SYTL3: variants seen among roughly 807,000 people sequenced by gnomAD.
SYTL3 encodes synaptotagmin-like protein 3.
Under a neutral mutation model 82.1 loss-of-function variants are expected in SYTL3, and 88 were observed. The observed-to-expected ratio is 1.07, with a 90% CI of 0.90 to 1.28. The LOEUF is 1.28. Among genes scored for constraint, SYTL3 ranks in the 50% most tolerant of loss-of-function variants. SYTL3 has a pLI of 0.00. For missense variants in SYTL3, 831 were observed against 757.6 expected (o/e 1.10, Z -1.14); for synonymous variants, 311 against 289.4 (o/e 1.07, Z -0.76).
intron 6 of SYTL3, among the ~76,000 whole-genome samples, chr6:158,685,218 T>TC (rs1368798182): frequency 0.019 from 1,853 of 100,134 alleles, 22 homozygotes; most frequent in African/African-American, 0.088. Flanking sequence ...CTCTCTCTCT[T>TC]TTTTTTTTTT....
In SYTL3 at chr6:158,726,317, CT is replaced by C. The variant is rs954404844; in HGVS notation, c.855+686del. On this transcript the variant is annotated intron_variant, in intron 11 of 17. Transcript: ENST00000611299. The stretch of plus-strand genomic sequence containing the variant: ...TGACACAGGCGTCTTCAGGTTTCTT[CT>C]TTTTTAAGAACTTCAAGATGTCCCC... 146 of 384,360 alleles carry C rather than the reference CT, an allele frequency of 3.8e-4. 1 individual carries two copies. Among genetic ancestry groups the C allele is most frequent in the African/African-American group, 3.1e-3 (145 of 46,606 alleles). 23.8% of individuals were successfully genotyped at this position (384,360 alleles called of 1,614,324 possible).
intron 11 of SYTL3, among the ~76,000 whole-genome samples, chr6:158,733,721 G>A (rs889851916): frequency 6.6e-6 from 1 of 152,090 alleles, no homozygotes; most frequent in Non-Finnish European, 1.5e-5. Flanking sequence ...ACAAGACACT[G>A]TAGCAAGGCC....
intron 4 of SYTL3, chr6:158,663,750 C>A: frequency 3.0e-6 from 1 of 335,170 alleles, no homozygotes; most frequent in Non-Finnish European, 4.2e-6. Context: ...GGTTTTCCTA[C>A]CTCATTTTTG....
intron 6 of SYTL3, among the ~76,000 whole-genome samples, chr6:158,704,685 A>T (rs922390721): frequency 1.3e-5 from 2 of 152,250 alleles, no homozygotes; most frequent in South Asian, 2.1e-4. Flanking sequence ...GTGGGCCTGG[A>T]CTTCAGACCA....
chr6:158,672,598 T>C (rs1348389246), intron 5 of SYTL3, among the ~76,000 whole-genome samples: 1 of 151,658 alleles, frequency 6.6e-6, no homozygotes, highest in East Asian at 1.9e-4. Flanking sequence ...TATTCTCTTT[T>C]AAAACTTTTT....
At chr6:158,658,662 C>T (rs1041834842) in intron 2 of SYTL3, among the ~76,000 whole-genome samples, 5 of 152,104 alleles carry the variant, frequency 3.3e-5, no homozygotes, top group Non-Finnish European at 7.3e-5. Flanking sequence ...CGGTAGCTCA[C>T]GCCTATAATC....
intron 5 of SYTL3, among the ~76,000 whole-genome samples, chr6:158,677,775 A>G (rs980517513): frequency 3.9e-5 from 6 of 151,958 alleles, no homozygotes; most frequent in Non-Finnish European, 8.8e-5. Flanking sequence ...GTATGCTTGC[A>G]TAGGACTAAT....
chr6:158,761,687 G>A (rs1789995032), intron 15 of SYTL3, among the ~76,000 whole-genome samples: 1 of 152,104 alleles, frequency 6.6e-6, no homozygotes, highest in Non-Finnish European at 1.5e-5. Flanking sequence ...AAGTTCACGG[G>A]GTCACCAGCA....
chr6:158,647,833 G>A (rs1234252572), upstream of SYTL3, among the ~76,000 whole-genome samples: 1 of 152,250 alleles, frequency 6.6e-6, no homozygotes, highest in Non-Finnish European at 1.5e-5. Flanking sequence ...TCAATTTGGA[G>A]GTTAGTGATA....
chr6:158,750,095 CAT>C (rs1279033344), intron 12 of SYTL3, among the ~76,000 whole-genome samples: 1 of 151,986 alleles, frequency 6.6e-6, no homozygotes, highest in Non-Finnish European at 1.5e-5. Context: ...GTTACAGCAA[CAT>C]AGATGAATCC....
chr6:158,696,014 T>C (rs530003002), intron 6 of SYTL3, among the ~76,000 whole-genome samples: 1 of 152,336 alleles, frequency 6.6e-6, no homozygotes, highest in South Asian at 2.1e-4. Context: ...TTATTAGAGT[T>C]CCTGCTTTAA....
Position 158,763,522 on chromosome 6 carries a change from C to T in SYTL3, c.1723+13C>T. On this transcript the variant is annotated intron_variant, in intron 17 of 17. Coordinates refer to ENST00000611299, the MANE Select transcript of SYTL3 (RefSeq NM_001242394.2). The stretch of plus-strand genomic sequence containing the variant: ...AGACTTGGTTCAAGTAAGTCTGAGA[C>T]ATTGAGCCCAAACGTTTATACTTTG... The T allele has an allele frequency of 1.2e-6, 2 of 1,608,716 alleles. No individual in the cohort carries two copies. Among genetic ancestry groups the T allele is most frequent in the Non-Finnish European group, 1.7e-6 (2 of 1,175,166 alleles).
At chr6:158,683,079 T>A in intron 6 of SYTL3, 90 bp downstream of exon 6, 1 of 941,474 alleles carries the variant, frequency 1.1e-6, no homozygotes, top group Non-Finnish European at 1.7e-6. Context: ...ATAAGCAACA[T>A]GATGGGTGTA....
intron 13 of SYTL3, among the ~76,000 whole-genome samples, chr6:158,756,977 A>G (rs1010431695): frequency 1.0e-3 from 154 of 150,132 alleles, no homozygotes; most frequent in African/African-American, 3.5e-3. Flanking sequence ...GAGTAGGGGG[A>G]GGGGTTCTTG....
chr6:158,713,682 C>A (rs1783021193), intron 8 of SYTL3, 118 bp from the exon 9 acceptor site: 2 of 740,914 alleles, frequency 2.7e-6, no homozygotes, highest in Admixed American at 2.0e-5. Context: ...GCACCACGCC[C>A]ACACTCACTC....
intron 6 of SYTL3, among the ~76,000 whole-genome samples, chr6:158,701,554 G>T (rs1344684855): frequency 1.5e-5 from 2 of 134,458 alleles, no homozygotes; most frequent in Admixed American, 7.3e-5. Flanking sequence ...TTCTGGGGGG[G>T]AGGAGGCGTG....
intron 5 of SYTL3, among the ~76,000 whole-genome samples, chr6:158,667,590 C>T (rs953222049): frequency 1.3e-5 from 2 of 152,208 alleles, no homozygotes; most frequent in African/African-American, 4.8e-5. Flanking sequence ...AACTGTCGCA[C>T]ATCTGGGGAC....
chr6:158,759,079 C>G (rs772918382), intron 14 of SYTL3, among the ~76,000 whole-genome samples: 1 of 152,224 alleles, frequency 6.6e-6, no homozygotes, highest in African/African-American at 2.4e-5. Context: ...CACCCTGCCT[C>G]TCCCACACCT....
At chr6:158,682,710 C>T (rs1778852182) in intron 5 of SYTL3, among the ~76,000 whole-genome samples, 1 of 152,282 alleles carries the variant, frequency 6.6e-6, no homozygotes, top group Non-Finnish European at 1.5e-5. Flanking sequence ...AGATAAAACA[C>T]ATAGCGGTGG....
Sources: allele counts gnomAD v4.1 joint callset (sites outside exome capture counted in the v4.1 genomes callset), GRCh38; gene constraint gnomAD v4.1.1; transcripts MANE v1.5; gene names NCBI Gene and HGNC (gene_info 2026-07-23, HGNC 2026-07-21).